Variants in FLRT1 observed in about 807,000 individuals in gnomAD.
The protein encoded by FLRT1 is leucine-rich repeat transmembrane protein FLRT1.
A neutral mutation model predicts 30.9 loss-of-function variants in FLRT1; 14 were observed. That is an observed-to-expected ratio of 0.45 (90% CI 0.30 to 0.71). The LOEUF (loss-of-function observed/expected upper bound fraction) is 0.71. FLRT1 is among the 30% of genes least tolerant of loss of function. The probability of loss-of-function intolerance (pLI) is 0.08; values close to 1 mark genes in which losing one functional copy is unlikely to be tolerated. For synonymous variants in FLRT1, 368 were observed against 430.4 expected, an observed-to-expected ratio of 0.85 and a Z score of 1.80; for missense variants, 737 against 949.2, an observed-to-expected ratio of 0.78 and a Z score of 2.94.
At chr11:64,061,701 A>T (rs12284106) in intron 1 of FLRT1, among the ~76,000 whole-genome samples, 3,496 of 139,036 alleles carry the variant, frequency 0.025, 131 homozygotes, top group African/African-American at 0.086. Context: ...AGTAAATGAG[A>T]CTTTTTTTTT....
Position 64,064,316 on chromosome 11 carries a change from G to T in FLRT1, c.-1038+28157G>T, listed in dbSNP as rs1943956973. On this transcript the variant is annotated intron_variant, in intron 1 of 2. Transcript: ENST00000682287. This position sits in a 1 kb window ranked among gnomAD's most constrained non-coding sequence, Gnocchi z 4.5. ...CCCTGTTCAGGCGGCGGGTAGGGGG[G>T]TGATGTCTCATCAGAAGAGGGGCCT... 6.6e-6 allele frequency among the ~76,000 whole-genome samples: 1 copy of T among 152,178 alleles called. No homozygotes were observed.
At chr11:64,069,762 C>T (rs1400361590) in intron 1 of FLRT1, among the ~76,000 whole-genome samples, 2 of 152,224 alleles carry the variant, frequency 1.3e-5, no homozygotes, top group Non-Finnish European at 2.9e-5. Flanking sequence ...AAATGCTTCG[C>T]CAGGAAACCT....
intron 1 of FLRT1, among the ~76,000 whole-genome samples, chr11:64,070,351 A>G (rs186810606): frequency 1.2e-4 from 19 of 152,188 alleles, no homozygotes; most frequent in African/African-American, 2.9e-4. Context: ...GAGAATTCCA[A>G]TGATCCTCCT....
rs929171159 is a variant in FLRT1 at position 64,117,248 on chromosome 11, C to A, written c.981C>A (p.Asn327Lys). 1 of 1,614,212 alleles carries A rather than the reference C, an allele frequency of 6.2e-7. No individual in the cohort carries two copies. The highest frequency in any genetic ancestry group is 8.5e-7 in the Non-Finnish European group (1 of 1,180,026). ...ACCTGGCCCAGCTGCTGCTCAGGAA[C>A]AACCCTTGGTTTTGTGGCTGCAACC... ...LGNLAQLLLR[N>K]NPWFCGCNLM... The change falls in exon 3 of 3, where the codon AAC becomes AAA. Residue 327 changes from asparagine (N) to lysine (K), a missense_variant. Physicochemically the swap from Asn to Lys is moderately conservative, Grantham distance 94 (BLOSUM62 0). Transcript: ENST00000682287.
intron 1 of FLRT1, among the ~76,000 whole-genome samples, chr11:64,040,653 A>C (rs1943467214): frequency 6.6e-6 from 1 of 152,170 alleles, no homozygotes; most frequent in East Asian, 1.9e-4. Flanking sequence ...TGTGAGACAA[A>C]TGTGGGCTTG....
chr11:64,043,867 G>A (rs969270620), intron 1 of FLRT1, among the ~76,000 whole-genome samples: 2 of 150,218 alleles, frequency 1.3e-5, no homozygotes, highest in Non-Finnish European at 3.0e-5. Context: ...ACTGGAGTGC[G>A]ATGGTGCAAT....
chr11:64,042,362 C>T (rs1353532624), intron 1 of FLRT1, among the ~76,000 whole-genome samples: 22 of 152,216 alleles, frequency 1.4e-4, no homozygotes, highest in African/African-American at 4.6e-4. Context: ...CCCTTCCTGC[C>T]CCCAGACAGT....
At position 64,118,002 on chromosome 11, in the gene FLRT1, C is replaced by T. The variant is rs978450483; in HGVS notation, c.1735C>T (p.Gln579Ter). 6 of 1,613,628 alleles carry T rather than the reference C, an allele frequency of 3.7e-6. No individual in the cohort carries two copies. Among genetic ancestry groups the T allele is most frequent in the Non-Finnish European group, 5.1e-6 (6 of 1,179,990 alleles). ...GGGGGCCATCTGCTGGTACGTGCAC[C>T]AGGCTGGCGAGCTGCTGACCCGGGA... ...VLGAICWYVH[Q>*]AGELLTRERA... The change falls in exon 3 of 3, where the codon CAG becomes TAG. Residue 579 changes from glutamine (Q) to a stop codon, truncating the protein, a stop_gained. Transcript: ENST00000682287. LOFTEE classifies it high-confidence loss of function.
At position 64,103,493 on chromosome 11, in the gene FLRT1, TAC is replaced by T. The variant is rs1565233853; in HGVS notation, c.-736_-735del. 6.6e-6 allele frequency: 1 copy of T among 151,392 alleles called. No individual in the cohort carries two copies. Among genetic ancestry groups the T allele is most frequent in the African/African-American group, 2.4e-5 (1 of 41,016 alleles). 9.4% of individuals were successfully genotyped at this position (151,392 alleles called of 1,614,324 possible). A position where few individuals can be genotyped will look rare whatever the true frequency, so the allele number is the denominator to read the frequency against. ...GGAGACACAGCCTGAGTGGCAGGAATACAGAGCCTTTGGAGAGTGGCTCCCTC... is the reference window on the plus strand; with the variant it reads ...GGAGACACAGCCTGAGTGGCAGGAATAGAGCCTTTGGAGAGTGGCTCCCTC... On this transcript the variant is annotated 5_prime_UTR_variant, in exon 2 of 3. Coordinates refer to ENST00000682287, the MANE Select transcript of FLRT1 (RefSeq NM_013280.5).
chr11:64,086,045 C>T (rs1343105214), intron 1 of FLRT1, among the ~76,000 whole-genome samples: 4 of 152,210 alleles, frequency 2.6e-5, no homozygotes, highest in African/African-American at 4.8e-5. Flanking sequence ...ACAGCCTGTC[C>T]CTGCCCTCCC....
chr11:64,076,050 C>T (rs1470203040), intron 1 of FLRT1, among the ~76,000 whole-genome samples: 1 of 152,214 alleles, frequency 6.6e-6, no homozygotes, highest in Non-Finnish European at 1.5e-5. Flanking sequence ...TCTCTCAATC[C>T]CTCCTTCCCA....
chr11:64,096,668 C>T lies in FLRT1; in HGVS notation c.-1037-6526C>T, dbSNP rs1944581813. On this transcript the variant is annotated intron_variant, in intron 1 of 2. Transcript: ENST00000682287. The surrounding 1 kb of genome is among the most constrained non-coding windows in gnomAD (Gnocchi z 4.6). The stretch of plus-strand genomic sequence containing the variant: ...CTGACCTCAAGTTATCCGCCTGCCT[C>T]AGCCTCCCAAAGTGCTGGGATTACA... 6.6e-6 allele frequency among the ~76,000 whole-genome samples: 1 copy of T among 152,190 alleles called. No homozygotes were observed. The highest frequency in any genetic ancestry group is 1.5e-5 in the Non-Finnish European group (1 of 68,030).
intron 1 of FLRT1, among the ~76,000 whole-genome samples, chr11:64,054,406 C>T (rs1943746968): frequency 6.6e-6 from 1 of 152,166 alleles, no homozygotes; most frequent in Non-Finnish European, 1.5e-5. Flanking sequence ...AGGCTTTGAG[C>T]TCTTCTGCAA....
intron 2 of FLRT1, among the ~76,000 whole-genome samples, chr11:64,104,417 G>A (rs1029256624): frequency 2.6e-5 from 4 of 151,716 alleles, no homozygotes; most frequent in Non-Finnish European, 4.4e-5. Context: ...GGTGGTCCCC[G>A]TGCTGCTGGG....
chr11:64,117,548 C>A lies in FLRT1; in HGVS notation c.1281C>A (p.Asp427Glu). ...TGCGCCTCCCCGACTCCAACATTGA[C>A]TACCCCATGGCCACGGGTGATGGCG... ...PGLRLPDSNI[D>E]YPMATGDGAK... The change falls in exon 3 of 3, where the codon GAC (aspartate) becomes GAA (glutamate). Residue 427 changes from aspartate (D) to glutamate (E), a missense_variant. Coordinates refer to ENST00000682287, the MANE Select transcript of FLRT1 (RefSeq NM_013280.5). 6.2e-7 allele frequency: 1 copy of A among 1,604,182 alleles called. No individual in the cohort carries two copies. The highest frequency in any genetic ancestry group is 8.5e-7 in the Non-Finnish European group (1 of 1,173,572).
chr11:64,105,803 C>T (rs929892531), intron 2 of FLRT1, among the ~76,000 whole-genome samples: 5 of 152,144 alleles, frequency 3.3e-5, no homozygotes, highest in Non-Finnish European at 7.4e-5. Context: ...AGGAGGTGGG[C>T]GGGGAGGCTG....
intron 1 of FLRT1, among the ~76,000 whole-genome samples, chr11:64,068,392 T>C (rs1486264486): frequency 6.6e-6 from 1 of 152,204 alleles, no homozygotes; most frequent in Non-Finnish European, 1.5e-5. Flanking sequence ...CCCTAGTAGC[T>C]GTAAAATGGA....
Position 64,116,242 on chromosome 11 carries a change from G to A in FLRT1, c.-26G>A, listed in dbSNP as rs199566548. On this transcript the variant is annotated 5_prime_UTR_variant, in exon 3 of 3. Coordinates refer to ENST00000682287, the MANE Select transcript of FLRT1 (RefSeq NM_013280.5). ...AGGTATTCAGGCTCCAGGCCAGGTG[G>A]GGCCGGACGCCCCCAGCCATCCACC... is the stretch of plus-strand genomic sequence containing the variant. 2,730 of 1,580,040 alleles carry A rather than the reference G, an allele frequency of 1.7e-3. 5 individuals carry two copies. The highest frequency in any genetic ancestry group is 2.2e-3 in the Non-Finnish European group (2,552 of 1,167,962).
intron 2 of FLRT1, among the ~76,000 whole-genome samples, chr11:64,114,333 AGTAGATACAT>A (rs1944929147): frequency 2.9e-5 from 2 of 67,818 alleles, no homozygotes; most frequent in Non-Finnish European, 8.8e-5. Context: ...ATGGACGGAC[AGTAGATACAT>A]GATGGATGGA....
Sources: gnomAD v4.1 joint callset for allele counts (sites outside exome capture counted in the v4.1 genomes callset) on GRCh38, gnomAD v4.1.1 for gene constraint, Gnocchi (gnomAD v3.1) non-coding constraint, MANE v1.5 for transcripts, NCBI Gene and HGNC (gene_info 2026-07-23, HGNC 2026-07-21) for gene names.